The following RPS6KB1 variants were observed in gnomAD, a reference collection of about 807,000 sequenced individuals.
RPS6KB1 encodes the protein ribosomal protein S6 kinase B1, also known as ribosomal protein S6 kinase beta-1.
Under a neutral mutation model 70.2 loss-of-function variants are expected in RPS6KB1, and 12 were observed. The observed-to-expected ratio is 0.17, with a 90% CI of 0.11 to 0.28. The LOEUF is 0.28. Ranked by LOEUF, RPS6KB1 falls within the 10% of genes least tolerant of loss-of-function variation. RPS6KB1 has a pLI of 1.00. For missense variants in RPS6KB1, 270 were observed against 646.6 expected (o/e 0.42, Z 6.32); for synonymous variants, 175 against 211.2 (o/e 0.83, Z 1.49).
At chr17:59,922,515 A>G (rs1018159805) in intron 4 of RPS6KB1, among the ~76,000 whole-genome samples, 21 of 113,950 alleles carry the variant, frequency 1.8e-4, no homozygotes, top group Non-Finnish European at 4.0e-4. Context: ...TATTTTTTCT[A>G]TATTGTCATT....
intron 1 of RPS6KB1, among the ~76,000 whole-genome samples, chr17:59,896,327 G>A (rs1258612651): frequency 1.3e-5 from 2 of 152,048 alleles, no homozygotes; most frequent in Non-Finnish European, 2.9e-5. Context: ...CCGAGTAGCT[G>A]GGATTACAGG....
At chr17:59,943,305 A>G (rs933169075) in intron 13 of RPS6KB1, among the ~76,000 whole-genome samples, 2 of 152,068 alleles carry the variant, frequency 1.3e-5, no homozygotes, top group African/African-American at 4.8e-5. Flanking sequence ...ACAGATGTGG[A>G]ATTTATACCT....
In RPS6KB1 at chr17:59,936,554, G is replaced by A. The variant is rs368315895; in HGVS notation, c.1119+13G>A. ...TAAACCTCTGTTGGTAAGTATACAT[G>A]AAAGTGTATAATTGGGTGCAGTGGC... is the stretch of plus-strand genomic sequence containing the variant. On this transcript the variant is annotated intron_variant, in intron 12 of 14. Transcript: ENST00000225577. 6.3e-7 allele frequency: 1 copy of A among 1,597,114 alleles called. No homozygotes were observed. The highest frequency in any genetic ancestry group is 8.6e-7 in the Non-Finnish European group (1 of 1,164,620).
intron 5 of RPS6KB1, among the ~76,000 whole-genome samples, chr17:59,929,351 G>A (rs937060828): frequency 4.6e-5 from 7 of 152,004 alleles, no homozygotes; most frequent in Admixed American, 2.6e-4. Context: ...TGTCCGCCTC[G>A]GCCTCCCAAA....
At chr17:59,916,218 A>C in intron 4 of RPS6KB1, among the ~76,000 whole-genome samples, 1 of 151,886 alleles carries the variant, frequency 6.6e-6, no homozygotes, top group Non-Finnish European at 1.5e-5. Context: ...CCTCTGCTTC[A>C]GCTTCCTGAG....
intron 12 of RPS6KB1, among the ~76,000 whole-genome samples, chr17:59,938,152 T>C (rs2044346663): frequency 2.0e-5 from 3 of 149,718 alleles, no homozygotes; most frequent in South Asian, 4.2e-4. Flanking sequence ...TTTTTTTTTT[T>C]TCCTTTTTCT....
chr17:59,934,610 G>GT lies in RPS6KB1; in HGVS notation c.870+88dup. 1 of 975,108 alleles carries GT rather than the reference G, an allele frequency of 1.0e-6. No individual in the cohort carries two copies. The highest frequency in any genetic ancestry group is 1.6e-6 in the Non-Finnish European group (1 of 635,396). 60.4% of individuals were successfully genotyped at this position (975,108 alleles called of 1,614,324 possible). On this transcript the variant is annotated intron_variant, in intron 9 of 14. Transcript: ENST00000225577. This position sits in a 1 kb window ranked among gnomAD's most constrained non-coding sequence, Gnocchi z 4.8. The stretch of plus-strand genomic sequence containing the variant: ...GACCTGTCCTGTGCTTTCTGAACAT[G>GT]TTACCAGTGGAGTTTTCAAAGCCCA...
rs1400297504 is a variant in RPS6KB1, at chr17:59,947,760, CAGA to C, written c.*976_*978del. Reference sequence around the variant, plus strand: ...TCTTCAGCCCATGGCTGAAGAACAACAGAAGAGAGTCAGGATAAAAAATACATA... The same window carrying C: ...TCTTCAGCCCATGGCTGAAGAACAACAGAGAGTCAGGATAAAAAATACATA... On this transcript the variant is annotated 3_prime_UTR_variant, in exon 15 of 15. Transcript: ENST00000225577. 2.7e-5 allele frequency: 15 copies of C among 561,652 alleles called. No homozygotes were observed. The highest frequency in any genetic ancestry group is 6.2e-5 in the East Asian group (2 of 32,516). 34.8% of individuals were successfully genotyped at this position (561,652 alleles called of 1,614,324 possible).
chr17:59,896,048 A>T (rs753945164), intron 1 of RPS6KB1, among the ~76,000 whole-genome samples: 6 of 152,222 alleles, frequency 3.9e-5, no homozygotes, highest in Non-Finnish European at 8.8e-5. Flanking sequence ...CATTATTTAT[A>T]CCATATACCA....
chr17:59,910,863 A>G (rs1455127205), intron 2 of RPS6KB1, among the ~76,000 whole-genome samples: 1 of 152,156 alleles, frequency 6.6e-6, no homozygotes, highest in African/African-American at 2.4e-5. Context: ...CTGAGTTGTT[A>G]GTTTAAAGAG....
chr17:59,948,134 A>G lies in RPS6KB1; in HGVS notation c.*1346A>G, dbSNP rs989268246. 9.2e-5 allele frequency: 14 copies of G among 152,708 alleles called. No homozygotes were observed. Among genetic ancestry groups the G allele is most frequent in the African/African-American group, 3.4e-4 (14 of 41,456 alleles). The allele number at this position is 152,708 out of a possible 1,614,324, so 9.5% of individuals were successfully genotyped here. On this transcript the variant is annotated 3_prime_UTR_variant, in exon 15 of 15. Coordinates refer to ENST00000225577, the MANE Select transcript of RPS6KB1 (RefSeq NM_003161.4). Reference sequence around the variant, plus strand: ...TGAAATTGTAACAAAATCTACATAAATGATTTACAGGTTAAAAGAATAAAA... The same window carrying G: ...TGAAATTGTAACAAAATCTACATAAGTGATTTACAGGTTAAAAGAATAAAA...
chr17:59,945,837 A>G lies in RPS6KB1; in HGVS notation c.1340+319A>G, dbSNP rs12325698. Among the ~76,000 whole-genome samples the G allele has an allele frequency of 3.4e-3, 519 of 152,342 alleles. 3 individuals carry two copies. The highest frequency in any genetic ancestry group is 0.012 in the African/African-American group (499 of 41,576). ...GTGTGTGTATCTATATAGTACTATA[A>G]TACAGGAATTGTCCCTGTCCTGATG... On this transcript the variant is annotated intron_variant, in intron 14 of 14. Coordinates refer to ENST00000225577, the MANE Select transcript of RPS6KB1 (RefSeq NM_003161.4).
chr17:59,919,443 G>A (rs181739845), intron 4 of RPS6KB1, among the ~76,000 whole-genome samples: 63 of 152,214 alleles, frequency 4.1e-4, no homozygotes, highest in Non-Finnish European at 4.6e-4. Flanking sequence ...CAACAAGAGC[G>A]AGACTCCATC....
intron 1 of RPS6KB1, among the ~76,000 whole-genome samples, chr17:59,900,618 G>A (rs1202377847): frequency 6.6e-6 from 1 of 152,022 alleles, no homozygotes; most frequent in Admixed American, 6.6e-5. Flanking sequence ...CGCCTGCCTT[G>A]GCCCCAAAGT....
At chr17:59,908,613 A>ATTTTTTTTTT (rs546677930) in intron 1 of RPS6KB1, among the ~76,000 whole-genome samples, 1 of 106,164 alleles carries the variant, frequency 9.4e-6, no homozygotes, top group Non-Finnish European at 1.9e-5. Flanking sequence ...TGTAAAAAAA[A>ATTTTTTTTTT]TTTTTTTTTT....
At chr17:59,922,797 G>A (rs2043353589) in intron 4 of RPS6KB1, among the ~76,000 whole-genome samples, 1 of 151,136 alleles carries the variant, frequency 6.6e-6, no homozygotes, top group Non-Finnish European at 1.5e-5. Context: ...AGCCACCTTG[G>A]CCTCCCAAAG....
chr17:59,940,988 A>G (rs781365738), intron 13 of RPS6KB1, 45 bp downstream of exon 13: 3 of 1,217,968 alleles, frequency 2.5e-6, no homozygotes, highest in Admixed American at 3.5e-5. Flanking sequence ...TTTTAGTGTG[A>G]GGATGGGCTC....
intron 12 of RPS6KB1, among the ~76,000 whole-genome samples, 183 bp downstream of exon 12, chr17:59,936,724 T>A (rs1202177714): frequency 6.6e-6 from 1 of 152,216 alleles, no homozygotes; most frequent in African/African-American, 2.4e-5. Flanking sequence ...CTTGTGCCTG[T>A]AAGTCCCAGC....
chr17:59,904,328 C>T (rs1204316144), intron 1 of RPS6KB1, among the ~76,000 whole-genome samples: 3 of 151,956 alleles, frequency 2.0e-5, no homozygotes, highest in Non-Finnish European at 2.9e-5. Flanking sequence ...ATCCGCCCTC[C>T]TTGGCCTCCC....
Sources: allele counts gnomAD v4.1 joint callset (sites outside exome capture counted in the v4.1 genomes callset), GRCh38; gene constraint gnomAD v4.1.1; non-coding constraint Gnocchi (gnomAD v3.1); transcripts MANE v1.5; gene names NCBI Gene and HGNC (gene_info 2026-07-23, HGNC 2026-07-21).